The following CDH20 variants were observed in gnomAD, a reference collection of about 807,000 sequenced individuals.
CDH20 encodes the protein cadherin 20.
A neutral mutation model predicts 74.2 loss-of-function variants in CDH20; 29 were observed. The ratio of observed to expected loss-of-function variants is 0.39; its 90% CI spans 0.29 to 0.53. CDH20 has a LOEUF of 0.53. Ranked by LOEUF, CDH20 falls within the 20% of genes least tolerant of loss-of-function variation. CDH20 has a pLI of 0.69. For missense variants in CDH20, 988 were observed against 1,048.3 expected, an observed-to-expected ratio of 0.94 and a Z score of 0.79; for synonymous variants, 469 against 405.4, an observed-to-expected ratio of 1.16 and a Z score of -1.88.
intron 1 of CDH20, among the ~76,000 whole-genome samples, chr18:61,367,609 C>T (rs1910903672): frequency 6.6e-6 from 1 of 152,132 alleles, no homozygotes; most frequent in Non-Finnish European, 1.5e-5. Context: ...CCTTCAAAGT[C>T]TACAATGGCC....
In CDH20 at chr18:61,500,432, C is replaced by T. The variant is rs373056408; in HGVS notation, c.591C>T (p.Tyr197=). The T allele has an allele frequency of 3.5e-5, 56 of 1,613,172 alleles. No homozygotes were observed. Among genetic ancestry groups the T allele is most frequent in the Admixed American group, 3.2e-4 (19 of 60,016 alleles). The change falls in exon 4 of 12, where the codon TAC becomes TAT. Residue 197 remains tyrosine, a synonymous_variant. Transcript: ENST00000262717. ...CCACAGATGCAGATGACCCGACCTACGGCAACAGTGCCAGGGTGGTGTACA... is the reference window on the plus strand; with the variant it reads ...CCACAGATGCAGATGACCCGACCTATGGCAACAGTGCCAGGGTGGTGTACA... ...VTATDADDPT[Y]GNSARVVYSI... is the part of the protein sequence containing the mutation.
intron 1 of CDH20, among the ~76,000 whole-genome samples, chr18:61,460,894 T>C (rs1034492827): frequency 2.0e-5 from 3 of 152,218 alleles, no homozygotes; most frequent in Admixed American, 1.3e-4. Flanking sequence ...TTTGAAGTAA[T>C]TTTTTGATTT....
chr18:61,355,552 AC>A lies in CDH20; in HGVS notation c.-153+21727del, dbSNP rs575821781. Among the ~76,000 whole-genome samples, 858 of 152,342 alleles carry A rather than the reference AC, an allele frequency of 5.6e-3. 5 individuals carry two copies. The highest frequency in any genetic ancestry group is 0.031 in the Middle Eastern group (9 of 294). ...TGTGAAAGTGTCTATATGGAGGCAA[AC>A]CACAGCTGATAGTGGTCATTAACTA... On this transcript the variant is annotated intron_variant, in intron 1 of 11. Transcript: ENST00000262717.
rs553310548 is a variant in CDH20, at chr18:61,457,322, A to G, written c.-152-33080A>G. Among the ~76,000 whole-genome samples the G allele has an allele frequency of 4.6e-5, 7 of 152,222 alleles. No individual in the cohort carries two copies. In the East Asian group the frequency reaches 1.4e-3, roughly 29 times the overall value. ...CAGTCATACCCAGCATTTATTTAGCACTTAAGAGTTTTGCCAAATGCTGTT... is the reference window on the plus strand; with the variant it reads ...CAGTCATACCCAGCATTTATTTAGCGCTTAAGAGTTTTGCCAAATGCTGTT... On this transcript the variant is annotated intron_variant, in intron 1 of 11. Transcript: ENST00000262717.
At chr18:61,377,459 G>A (rs568663871) in intron 1 of CDH20, among the ~76,000 whole-genome samples, 8 of 151,552 alleles carry the variant, frequency 5.3e-5, no homozygotes, top group Middle Eastern at 3.4e-3. Flanking sequence ...TCAGACACGC[G>A]AAGCCTCATA....
chr18:61,455,916 G>A (rs1269861989), intron 1 of CDH20, among the ~76,000 whole-genome samples: 1 of 152,162 alleles, frequency 6.6e-6, no homozygotes, highest in Non-Finnish European at 1.5e-5. Context: ...ATAGGTAACA[G>A]CATCTTCACG....
chr18:61,438,637 C>T (rs149622306), intron 1 of CDH20, among the ~76,000 whole-genome samples: 94 of 152,068 alleles, frequency 6.2e-4, no homozygotes, highest in African/African-American at 1.0e-3. Context: ...GAAAAGGGAA[C>T]GCTTATATAT....
At chr18:61,339,053 T>C (rs914504400) in intron 1 of CDH20, among the ~76,000 whole-genome samples, 4 of 152,216 alleles carry the variant, frequency 2.6e-5, no homozygotes, top group Non-Finnish European at 5.9e-5. Context: ...CTTTGAATTA[T>C]TTCTTTCAAT....
At chr18:61,489,728 A>C (rs1237847930) in intron 1 of CDH20, among the ~76,000 whole-genome samples, 2 of 152,060 alleles carry the variant, frequency 1.3e-5, no homozygotes, top group Non-Finnish European at 2.9e-5. Context: ...TATAATGATC[A>C]ACTGACCATT....
intron 1 of CDH20, among the ~76,000 whole-genome samples, chr18:61,449,031 A>C (rs1909291882): frequency 6.6e-6 from 1 of 152,180 alleles, no homozygotes; most frequent in African/African-American, 2.4e-5. Context: ...ATGGCTTTCA[A>C]CATCATTGCC....
intron 1 of CDH20, among the ~76,000 whole-genome samples, chr18:61,466,035 A>AGGCAAT (rs1446877780): frequency 6.7e-6 from 1 of 150,372 alleles, no homozygotes; most frequent in African/African-American, 2.5e-5. Context: ...ACTCCAGCCT[A>AGGCAAT]GGCAATAAGG....
At chr18:61,525,720 A>T (rs1452520095) in intron 6 of CDH20, among the ~76,000 whole-genome samples, 1 of 152,192 alleles carries the variant, frequency 6.6e-6, no homozygotes, top group Non-Finnish European at 1.5e-5. Flanking sequence ...AACAAAAAAA[A>T]CTTTATTAAA....
chr18:61,405,611 T>TA (rs1386438697), intron 1 of CDH20, among the ~76,000 whole-genome samples: 1 of 151,992 alleles, frequency 6.6e-6, no homozygotes, highest in Non-Finnish European at 1.5e-5. Flanking sequence ...AAATAAATTT[T>TA]AAAAAACTAT....
intron 1 of CDH20, among the ~76,000 whole-genome samples, chr18:61,417,995 TAAA>T (rs1047540694): frequency 1.8e-4 from 28 of 152,172 alleles, no homozygotes; most frequent in African/African-American, 6.5e-4. Context: ...CTGATTTTCT[TAAA>T]AATATGTCAA....
At chr18:61,411,230 C>T (rs1912490556) in intron 1 of CDH20, among the ~76,000 whole-genome samples, 1 of 151,296 alleles carries the variant, frequency 6.6e-6, no homozygotes, top group Non-Finnish European at 1.5e-5. Context: ...GCAAGAATGG[C>T]CATAATAAAA....
At chr18:61,503,174 T>C (rs1747690402) in intron 5 of CDH20, 54 bp downstream of exon 5, 1 of 1,387,178 alleles carries the variant, frequency 7.2e-7, no homozygotes, top group East Asian at 2.4e-5. Flanking sequence ...GACGCACCCG[T>C]TGCAGAGGTG....
rs752821000 is a variant in CDH20 at position 61,490,794 on chromosome 18, G to T, written c.241G>T (p.Gly81Cys). Reference sequence around the variant, plus strand: ...CACTGGGACCGACCCTTTGTATGTCGGCAAGGTAAGAAATGCCAAGTAGAA... The same window carrying T: ...CACTGGGACCGACCCTTTGTATGTCTGCAAGGTAAGAAATGCCAAGTAGAA... Reference protein sequence around the residue: ...EYTGTDPLYVGKLHSDMDRGD... With the variant: ...EYTGTDPLYVCKLHSDMDRGD... The change falls in exon 2 of 12, where the codon GGC becomes TGC. Residue 81 changes from glycine (G) to cysteine (C), a missense_variant. Coordinates refer to ENST00000262717, the MANE Select transcript of CDH20 (RefSeq NM_031891.4). The T allele has an allele frequency of 6.2e-7, 1 of 1,613,730 alleles. No homozygotes were observed. The highest frequency in any genetic ancestry group is 1.3e-5 in the African/African-American group (1 of 74,876).
At chr18:61,401,841 C>G (rs1217321985) in intron 1 of CDH20, among the ~76,000 whole-genome samples, 1 of 152,164 alleles carries the variant, frequency 6.6e-6, no homozygotes, top group Non-Finnish European at 1.5e-5. Context: ...ACAAGAGACT[C>G]TCCTTCAGAA....
At chr18:61,546,125 T>C (rs1913240085) in intron 10 of CDH20, among the ~76,000 whole-genome samples, 1 of 152,216 alleles carries the variant, frequency 6.6e-6, no homozygotes, top group African/African-American at 2.4e-5. Context: ...CCTGGGAAGG[T>C]CATCACTTCT....
Sources: allele counts gnomAD v4.1 joint callset (sites outside exome capture counted in the v4.1 genomes callset), GRCh38; gene constraint gnomAD v4.1.1; transcripts MANE v1.5; gene names NCBI Gene and HGNC (gene_info 2026-07-23, HGNC 2026-07-21).